TSHZ2: variants seen among roughly 807,000 people sequenced by gnomAD.
TSHZ2 encodes teashirt zinc finger homeobox 2.
A neutral mutation model predicts 74.4 loss-of-function variants in TSHZ2; 21 were observed. The observed-to-expected ratio is 0.28, with a 90% confidence interval of 0.20 to 0.41. TSHZ2 has a LOEUF of 0.41. Among genes scored for constraint, TSHZ2 ranks in the 10% least tolerant of loss-of-function variants. TSHZ2 has a pLI of 1.00. For synonymous variants in TSHZ2, 540 were observed against 515.3 expected (o/e 1.05, Z -0.65); for missense variants, 1,244 against 1,293.5 (o/e 0.96, Z 0.59).
chr20:53,279,272 A>T (rs1346292280), intron 2 of TSHZ2, among the ~76,000 whole-genome samples: 1 of 152,212 alleles, frequency 6.6e-6, no homozygotes, highest in African/African-American at 2.4e-5. Flanking sequence ...GCTGTATTCA[A>T]TCTTCCATTG....
At chr20:53,137,598 G>A (rs16997592) in intron 1 of TSHZ2, among the ~76,000 whole-genome samples, 44,328 of 151,944 alleles carry the variant, frequency 0.29, 6,832 homozygotes, top group African/African-American at 0.38. Flanking sequence ...CCTCTGAAGT[G>A]GCCCTCAAAT....
At chr20:53,247,124 G>A (rs563331900) in intron 1 of TSHZ2, among the ~76,000 whole-genome samples, 1 of 152,234 alleles carries the variant, frequency 6.6e-6, no homozygotes, top group East Asian at 1.9e-4. Flanking sequence ...GACAGAGGAG[G>A]GAGCAAACTC....
chr20:53,360,569 C>T (rs1981011471), intron 2 of TSHZ2, among the ~76,000 whole-genome samples: 1 of 152,114 alleles, frequency 6.6e-6, no homozygotes, highest in Non-Finnish European at 1.5e-5. Context: ...TTTCATGGTT[C>T]CAAGATGGTG....
chr20:53,397,937 A>T (rs1982515337), intron 2 of TSHZ2: 1 of 152,104 alleles, frequency 6.6e-6, no homozygotes, highest in Admixed American at 6.6e-5. Context: ...CAATGAGAAC[A>T]CTTAGACACA....
rs552543641 is a variant in TSHZ2 at position 53,426,904 on chromosome 20, T to G, written c.*9-60240T>G. Among the ~76,000 whole-genome samples, 68 of 152,328 alleles carry G rather than the reference T, an allele frequency of 4.5e-4. No individual in the cohort carries two copies. The Middle Eastern group carries it at 0.01, about 23-fold the overall frequency. ...TGTCAGTTGATTACTTCTCCTTGAT[T>G]AGCATTTATAAGAGCCCTGTGATAC... On this transcript the variant is annotated intron_variant, in intron 2 of 2. Coordinates refer to ENST00000371497, the MANE Select transcript of TSHZ2 (RefSeq NM_173485.6).
chr20:53,157,423 T>A (rs893907101), intron 1 of TSHZ2, among the ~76,000 whole-genome samples: 5 of 150,904 alleles, frequency 3.3e-5, no homozygotes, highest in Admixed American at 2.0e-4. Flanking sequence ...TTTTTTTTTT[T>A]AGAGACAGGA....
intron 1 of TSHZ2, among the ~76,000 whole-genome samples, chr20:53,041,475 G>A (rs1357209405): frequency 3.3e-5 from 5 of 152,190 alleles, no homozygotes; most frequent in Non-Finnish European, 5.9e-5. Flanking sequence ...CCAGTTCTGG[G>A]TCACCCATTC....
chr20:53,269,009 TA>T (rs1001602498), intron 2 of TSHZ2, among the ~76,000 whole-genome samples: 27 of 151,816 alleles, frequency 1.8e-4, no homozygotes, highest in African/African-American at 6.1e-4. Flanking sequence ...CGTGAGGTCT[TA>T]AAAATAATAT....
chr20:53,045,148 T>G (rs1984182042), intron 1 of TSHZ2, among the ~76,000 whole-genome samples: 1 of 152,190 alleles, frequency 6.6e-6, no homozygotes, highest in African/African-American at 2.4e-5. Flanking sequence ...ACTGAGGGCT[T>G]CTTCTGGGAC....
intron 2 of TSHZ2, among the ~76,000 whole-genome samples, chr20:53,406,520 C>T (rs1982859087): frequency 6.6e-6 from 1 of 152,072 alleles, no homozygotes; most frequent in Non-Finnish European, 1.5e-5. Context: ...TGTGCCAGGA[C>T]ACAGGTAGAG....
intron 1 of TSHZ2, among the ~76,000 whole-genome samples, chr20:53,170,394 C>T (rs1038137188): frequency 3.9e-5 from 6 of 152,218 alleles, no homozygotes; most frequent in Non-Finnish European, 5.9e-5. Flanking sequence ...TCCTAGCAAG[C>T]GTATGCCAAA....
At chr20:53,377,717 G>T (rs867804027) in intron 2 of TSHZ2, among the ~76,000 whole-genome samples, 1 of 152,106 alleles carries the variant, frequency 6.6e-6, no homozygotes, top group Non-Finnish European at 1.5e-5. Context: ...CAAAAAATTA[G>T]CTGGGCATGA....
chr20:52,992,057 A>T (rs907083680), intron 1 of TSHZ2, among the ~76,000 whole-genome samples: 2 of 152,198 alleles, frequency 1.3e-5, no homozygotes, highest in African/African-American at 4.8e-5. Flanking sequence ...TCCCCTGCTC[A>T]GGAAAATTTG....
At chr20:53,129,034 A>T (rs1253925306) in intron 1 of TSHZ2, among the ~76,000 whole-genome samples, 1 of 152,186 alleles carries the variant, frequency 6.6e-6, no homozygotes, top group Non-Finnish European at 1.5e-5. Flanking sequence ...GTGACCCCGT[A>T]CTTACATATC....
In TSHZ2 at chr20:53,258,336, T is replaced by C. The variant is rs927888401; in HGVS notation, c.*8+1765T>C. Among the ~76,000 whole-genome samples the C allele has an allele frequency of 2.0e-5, 3 of 152,058 alleles. No individual in the cohort carries two copies. In the South Asian group the frequency reaches 6.2e-4, roughly 32 times the overall value. On this transcript the variant is annotated intron_variant, in intron 2 of 2. Coordinates refer to ENST00000371497, the MANE Select transcript of TSHZ2 (RefSeq NM_173485.6). ...CATAACATTTTAAATCTTAAATAACTTGCCATTATGTTTTCCTGGTTCTTA... is the reference window on the plus strand; with the variant it reads ...CATAACATTTTAAATCTTAAATAACCTGCCATTATGTTTTCCTGGTTCTTA...
At chr20:53,123,185 A>G (rs977350048) in intron 1 of TSHZ2, among the ~76,000 whole-genome samples, 3 of 152,238 alleles carry the variant, frequency 2.0e-5, no homozygotes, top group African/African-American at 7.2e-5. Context: ...ACTTCTATGA[A>G]GTAAATATTC....
intron 1 of TSHZ2, among the ~76,000 whole-genome samples, chr20:53,204,551 A>C (rs549593582): frequency 6.6e-6 from 1 of 152,044 alleles, no homozygotes. Context: ...AATTCCATGC[A>C]TAGCTGACAT....
At chr20:53,204,618 A>G (rs571124753) in intron 1 of TSHZ2, among the ~76,000 whole-genome samples, 19 of 152,194 alleles carry the variant, frequency 1.2e-4, no homozygotes, top group African/African-American at 3.9e-4. Flanking sequence ...ACTTGCAACA[A>G]AAACAGAGAC....
intron 2 of TSHZ2, among the ~76,000 whole-genome samples, chr20:53,395,900 G>C (rs1982426615): frequency 6.6e-6 from 1 of 152,194 alleles, no homozygotes; most frequent in Non-Finnish European, 1.5e-5. Flanking sequence ...GGGGTAATGA[G>C]ATAGACACAC....
Sources: allele counts gnomAD v4.1 joint callset (sites outside exome capture counted in the v4.1 genomes callset), GRCh38; gene constraint gnomAD v4.1.1; transcripts MANE v1.5; gene names NCBI Gene and HGNC (gene_info 2026-07-23, HGNC 2026-07-21).